Variants in PRELID2 observed in about 807,000 individuals in gnomAD.
The protein encoded by PRELID2 is PRELI domain containing 2.
A neutral mutation model predicts 28.4 loss-of-function variants in PRELID2; 25 were observed. That is an observed-to-expected ratio of 0.88 (90% CI 0.64 to 1.23). PRELID2 has a LOEUF of 1.23. Ranked by LOEUF, PRELID2 falls within the 50% of genes most tolerant of loss-of-function variation. The probability of loss-of-function intolerance (pLI) is 0.00; values close to 1 mark genes in which losing one functional copy is unlikely to be tolerated. For synonymous variants in PRELID2, 76 were observed against 71.6 expected (o/e 1.06, Z -0.31); for missense variants, 201 against 214.4 (o/e 0.94, Z 0.39).
rs1341052896 is a variant in PRELID2, at chr5:145,817,202, A to AAAAT, written c.368+691_368+692insATTT. Among the ~76,000 whole-genome samples the AAAAT allele has an allele frequency of 3.1e-3, 161 of 51,260 alleles. 5 individuals carry two copies. Among genetic ancestry groups the AAAAT allele is most frequent in the Non-Finnish European group, 5.8e-3 (120 of 20,818 alleles). The allele number at this position is 51,260 out of a possible 152,430, so 33.6% of individuals were successfully genotyped here. On this transcript the variant is annotated intron_variant, in intron 4 of 6. Coordinates refer to ENST00000683046, the MANE Select transcript of PRELID2 (RefSeq NM_205846.3). ...CAAGACTGCATTTCAAAAAAAAATA[A>AAAAT]ATAAATAAATAAAAAAAAATATATA...
At chr5:145,408,412 TATATATGTATAATATATATGTATAAC>T in the PRELID2 span, among the ~76,000 whole-genome samples, 1 of 145,336 alleles carries the variant, frequency 6.9e-6, no homozygotes, top group Non-Finnish European at 1.5e-5. Context: ...TATATATATA[TATATATGTATAATATATATGTATAAC>T]ATATATATGT....
At chr5:145,309,047 A>G in the PRELID2 span, among the ~76,000 whole-genome samples, 302 of 152,228 alleles carry the variant, frequency 2.0e-3, 4 homozygotes, top group Middle Eastern at 0.037. Flanking sequence ...ATCATTAAAA[A>G]TTATTCTTAC....
intron 1 of PRELID2, among the ~76,000 whole-genome samples, chr5:145,550,757 T>C (rs1752826481): frequency 6.6e-6 from 1 of 152,230 alleles, no homozygotes; most frequent in Admixed American, 6.5e-5. Context: ...AGCTAGCGAT[T>C]CTTGATCATT....
downstream of PRELID2, among the ~76,000 whole-genome samples, chr5:145,468,623 G>A (rs1457608728): frequency 2.0e-5 from 3 of 152,164 alleles, no homozygotes; most frequent in Non-Finnish European, 4.4e-5. Context: ...ACTGGTGTGA[G>A]ATGGCATCTC....
chr5:145,753,357 C>T (rs1473408345), downstream of PRELID2, among the ~76,000 whole-genome samples: 3 of 152,202 alleles, frequency 2.0e-5, no homozygotes, highest in African/African-American at 7.2e-5. Context: ...CCTTTTTCTG[C>T]AAGGGGTTCT....
the PRELID2 span, among the ~76,000 whole-genome samples, chr5:145,357,170 A>AT: frequency 2.0e-4 from 30 of 151,690 alleles, no homozygotes; most frequent in African/African-American, 4.6e-4. Flanking sequence ...TGCCTTTAAC[A>AT]TTTTTTTTCC....
At chr5:145,412,474 T>C in the PRELID2 span, among the ~76,000 whole-genome samples, 28 of 152,344 alleles carry the variant, frequency 1.8e-4, no homozygotes, top group South Asian at 2.7e-3. Context: ...TGGACTTCAT[T>C]GTTCATATCA....
At chr5:145,651,116 C>T (rs552853017) in intron 1 of PRELID2, among the ~76,000 whole-genome samples, 25 of 152,228 alleles carry the variant, frequency 1.6e-4, no homozygotes, top group South Asian at 4.1e-4. Flanking sequence ...TGATATCCCA[C>T]GCCTGGCTCA....
chr5:145,804,792 G>A (rs1026268959), intron 4 of PRELID2, among the ~76,000 whole-genome samples: 2 of 152,132 alleles, frequency 1.3e-5, no homozygotes, highest in African/African-American at 4.8e-5. Context: ...CTAGAAAAGT[G>A]TCTATTTAGT....
chr5:145,757,163 TAAAC>T lies in PRELID2; in HGVS notation c.*3369_*3372del, dbSNP rs1757282563. 6.6e-6 allele frequency among the ~76,000 whole-genome samples: 1 copy of T among 152,188 alleles called. No individual in the cohort carries two copies. Among genetic ancestry groups the T allele is most frequent in the South Asian group, 2.1e-4 (1 of 4,838 alleles). ...ACACCATGCACCGCACAATGTCTGA[TAAAC>T]AAGTATCAGTACATATATACTGCTT... On this transcript the variant is annotated 3_prime_UTR_variant, in exon 7 of 7. Transcript: ENST00000683046.
At chr5:145,444,104 A>AGAGGAT in the PRELID2 span, among the ~76,000 whole-genome samples, 1 of 152,052 alleles carries the variant, frequency 6.6e-6, no homozygotes, top group Non-Finnish European at 1.5e-5. Context: ...CCTATTTAGG[A>AGAGGAT]GAGGATGTCG....
In PRELID2 at chr5:145,768,766, G is replaced by A. The variant is rs187217153; in HGVS notation, c.475-3766C>T. Among the ~76,000 whole-genome samples, 599 of 152,202 alleles carry A rather than the reference G, an allele frequency of 3.9e-3. 7 individuals carry two copies. Among genetic ancestry groups the A allele is most frequent in the Admixed American group, 3.5e-3 (53 of 15,284 alleles). Reference sequence around the variant, plus strand: ...ATAAGTGAAGACTGAGGTTTTCCTTGGGAATTGAAAGACGTTATTTATTGA... The same window carrying A: ...ATAAGTGAAGACTGAGGTTTTCCTTAGGAATTGAAAGACGTTATTTATTGA... On this transcript the variant is annotated intron_variant, in intron 5 of 6. Coordinates refer to ENST00000683046, the MANE Select transcript of PRELID2 (RefSeq NM_205846.3).
intron 1 of PRELID2, among the ~76,000 whole-genome samples, chr5:145,490,807 T>C (rs1027633429): frequency 3.3e-5 from 5 of 152,170 alleles, no homozygotes; most frequent in African/African-American, 1.2e-4. Flanking sequence ...AAAGATCTGG[T>C]ATTATTTGAC....
At chr5:145,411,596 A>G in the PRELID2 span, among the ~76,000 whole-genome samples, 3 of 152,166 alleles carry the variant, frequency 2.0e-5, no homozygotes, top group Non-Finnish European at 4.4e-5. Context: ...GAGTGTCTGC[A>G]GCTTTTCCAG....
the PRELID2 span, among the ~76,000 whole-genome samples, chr5:145,287,494 T>C: frequency 1.3e-5 from 2 of 152,174 alleles, no homozygotes; most frequent in Non-Finnish European, 2.9e-5. Flanking sequence ...CACAGAATGA[T>C]ATGCAATTTA....
intron 1 of PRELID2, among the ~76,000 whole-genome samples, chr5:145,670,951 T>C (rs1266182588): frequency 5.9e-5 from 9 of 152,204 alleles, no homozygotes; most frequent in Admixed American, 5.9e-4. Flanking sequence ...ATACTAAATG[T>C]ATACCCAGGT....
the PRELID2 span, among the ~76,000 whole-genome samples, chr5:145,294,958 C>T: frequency 1.3e-5 from 2 of 151,978 alleles, no homozygotes; most frequent in South Asian, 4.1e-4. Flanking sequence ...TCTGTGAGAG[C>T]AAAAAACACA....
At chr5:145,462,097 T>C in the PRELID2 span, among the ~76,000 whole-genome samples, 1 of 152,208 alleles carries the variant, frequency 6.6e-6, no homozygotes, top group Admixed American at 6.5e-5. Flanking sequence ...CCTACGGCCA[T>C]GCCCAATGTA....
chr5:145,239,547 A>C, the PRELID2 span, among the ~76,000 whole-genome samples: 1 of 152,058 alleles, frequency 6.6e-6, no homozygotes, highest in Non-Finnish European at 1.5e-5. Flanking sequence ...ATGCAATTAT[A>C]ATAAATATAA....
Sources: gnomAD v4.1 joint callset for allele counts (sites outside exome capture counted in the v4.1 genomes callset) on GRCh38, gnomAD v4.1.1 for gene constraint, MANE v1.5 for transcripts, NCBI Gene and HGNC (gene_info 2026-07-23, HGNC 2026-07-21) for gene names.